CDH20: variants seen among roughly 807,000 people sequenced by gnomAD.
CDH20 encodes the protein cadherin 20, also known as cadherin-20.
A neutral mutation model predicts 74.2 loss-of-function variants in CDH20; 29 were observed. The ratio of observed to expected loss-of-function variants is 0.39; its 90% CI spans 0.29 to 0.53. The LOEUF (loss-of-function observed/expected upper bound fraction) is 0.53. Ranked by LOEUF, CDH20 falls within the 20% of genes least tolerant of loss-of-function variation. The pLI is 0.69. For synonymous variants in CDH20, 469 were observed against 405.4 expected (o/e 1.16, Z -1.88); for missense variants, 988 against 1,048.3 (o/e 0.94, Z 0.79).
At chr18:61,544,290 G>C (rs1913147933) in intron 9 of CDH20, among the ~76,000 whole-genome samples, 1 of 152,220 alleles carries the variant, frequency 6.6e-6, no homozygotes, top group Admixed American at 6.5e-5. Context: ...TAGGACTCCT[G>C]AAGCCCAAGT....
intron 1 of CDH20, among the ~76,000 whole-genome samples, chr18:61,469,309 C>G (rs1307450144): frequency 6.6e-6 from 1 of 151,018 alleles, no homozygotes; most frequent in Non-Finnish European, 1.5e-5. Context: ...TCGTCTACTT[C>G]CAGTCACTTT....
chr18:61,495,112 C>T lies in CDH20; in HGVS notation c.247-4074C>T, dbSNP rs78568101. Among the ~76,000 whole-genome samples, 1,450 of 152,224 alleles carry T rather than the reference C, an allele frequency of 9.5e-3. 29 individuals are homozygous for T. The highest frequency in any genetic ancestry group is 0.033 in the African/African-American group (1,372 of 41,536). On this transcript the variant is annotated intron_variant, in intron 2 of 11. Transcript: ENST00000262717. ...TTTTAGGAAGGAAAAAAAACATTTTCCCAAGATGTACGTAACTGTGCTGCT... is the reference window on the plus strand; with the variant it reads ...TTTTAGGAAGGAAAAAAAACATTTTTCCAAGATGTACGTAACTGTGCTGCT...
intron 1 of CDH20, among the ~76,000 whole-genome samples, chr18:61,453,600 C>T (rs1330326056): frequency 6.6e-6 from 1 of 152,156 alleles, no homozygotes; most frequent in East Asian, 1.9e-4. Context: ...TTCATATTTG[C>T]TTTTTCACTC....
At chr18:61,456,090 G>T (rs931242728) in intron 1 of CDH20, among the ~76,000 whole-genome samples, 1 of 152,086 alleles carries the variant, frequency 6.6e-6, no homozygotes, top group Non-Finnish European at 1.5e-5. Flanking sequence ...TCACCGTTTG[G>T]GGTGGCCCCA....
intron 1 of CDH20, among the ~76,000 whole-genome samples, chr18:61,394,946 C>T (rs111360542): frequency 9.2e-5 from 14 of 151,882 alleles, no homozygotes; most frequent in African/African-American, 2.4e-4. Context: ...CCTCCTTGCC[C>T]GAAGAGGAAC....
In CDH20 at chr18:61,435,125, C is replaced by T. The variant is rs571081694; in HGVS notation, c.-152-55277C>T. ...GACTTACTGTCCTTTTTCTACAGAT[C>T]AGGAAATTGATCTGTAGAAAATTTC... On this transcript the variant is annotated intron_variant, in intron 1 of 11. Coordinates refer to ENST00000262717, the MANE Select transcript of CDH20 (RefSeq NM_031891.4). Among the ~76,000 whole-genome samples the T allele has an allele frequency of 3.3e-5, 5 of 152,202 alleles. No homozygotes were observed. The East Asian group carries it at 5.8e-4, about 18-fold the overall frequency.
intron 1 of CDH20, among the ~76,000 whole-genome samples, chr18:61,408,610 C>A (rs1427255807): frequency 6.6e-6 from 1 of 152,190 alleles, no homozygotes; most frequent in African/African-American, 2.4e-5. Context: ...GTACAACCAT[C>A]AAGTAAACTA....
chr18:61,500,165 A>C (rs1911324895), intron 3 of CDH20, among the ~76,000 whole-genome samples: 1 of 147,722 alleles, frequency 6.8e-6, no homozygotes, highest in Non-Finnish European at 1.5e-5. Context: ...GAAGAGCCCA[A>C]AGGCTGTGTC....
intron 7 of CDH20, among the ~76,000 whole-genome samples, chr18:61,534,455 A>G (rs1912753143): frequency 6.6e-6 from 1 of 152,250 alleles, no homozygotes; most frequent in Non-Finnish European, 1.5e-5. Context: ...ATTATTCACA[A>G]TAGCCAAGAT....
intron 1 of CDH20, among the ~76,000 whole-genome samples, chr18:61,440,419 T>C (rs1455492068): frequency 6.6e-6 from 1 of 152,164 alleles, no homozygotes; most frequent in Non-Finnish European, 1.5e-5. Flanking sequence ...AACTACTACT[T>C]AGGAGTTGTT....
chr18:61,439,239 C>A (rs551552804), intron 1 of CDH20, among the ~76,000 whole-genome samples: 3 of 151,958 alleles, frequency 2.0e-5, no homozygotes, highest in Non-Finnish European at 4.4e-5. Flanking sequence ...TGCATGTATA[C>A]CCTAATCTAA....
At position 61,457,169 on chromosome 18, in the gene CDH20, A is replaced by G. The variant is rs551153274; in HGVS notation, c.-152-33233A>G. On this transcript the variant is annotated intron_variant, in intron 1 of 11. Transcript: ENST00000262717. ...TGTTTGATGCATTCCCTGATTCTGA[A>G]AAGAGGTAGTAATCTCTGATTTCTC... 6.6e-5 allele frequency among the ~76,000 whole-genome samples: 10 copies of G among 152,216 alleles called. No homozygotes were observed. In the South Asian group the frequency reaches 1.9e-3, roughly 28 times the overall value.
intron 7 of CDH20, among the ~76,000 whole-genome samples, chr18:61,531,811 C>T (rs1035165129): frequency 6.6e-6 from 1 of 152,104 alleles, no homozygotes; most frequent in African/African-American, 2.4e-5. Context: ...AAAGGGGCTT[C>T]CCCCTTCCCT....
intron 10 of CDH20, among the ~76,000 whole-genome samples, chr18:61,547,155 C>G (rs774117637): frequency 7.9e-5 from 12 of 152,102 alleles, no homozygotes; most frequent in Non-Finnish European, 1.8e-4. Context: ...ACACCAAGAC[C>G]CCATCCCTAA....
At chr18:61,459,351 T>G (rs1015097316) in intron 1 of CDH20, among the ~76,000 whole-genome samples, 1 of 152,164 alleles carries the variant, frequency 6.6e-6, no homozygotes. Context: ...CAATGGCAAG[T>G]TTCTATAAAC....
intron 1 of CDH20, among the ~76,000 whole-genome samples, chr18:61,374,628 A>T: frequency 6.6e-6 from 1 of 152,130 alleles, no homozygotes; most frequent in East Asian, 1.9e-4. Context: ...CTTATATGAA[A>T]TTTTTATGTT....
chr18:61,457,262 CCTGGT>C (rs1225925862), intron 1 of CDH20, among the ~76,000 whole-genome samples: 1 of 152,064 alleles, frequency 6.6e-6, no homozygotes, highest in Admixed American at 6.6e-5. Flanking sequence ...ATCTAGAACA[CCTGGT>C]CTGAATAGCT....
At chr18:61,392,973 A>T (rs1329245535) in intron 1 of CDH20, among the ~76,000 whole-genome samples, 2 of 152,186 alleles carry the variant, frequency 1.3e-5, no homozygotes, top group Admixed American at 1.3e-4. Flanking sequence ...TCACTGCCCA[A>T]GTCAAATTTA....
intron 1 of CDH20, among the ~76,000 whole-genome samples, chr18:61,354,848 T>C (rs1910445407): frequency 6.6e-6 from 1 of 152,208 alleles, no homozygotes; most frequent in Non-Finnish European, 1.5e-5. Flanking sequence ...TACCTACACA[T>C]TTGTAAGTAC....
Sources: gnomAD v4.1 joint callset for allele counts (sites outside exome capture counted in the v4.1 genomes callset) on GRCh38, gnomAD v4.1.1 for gene constraint, MANE v1.5 for transcripts, NCBI Gene and HGNC (gene_info 2026-07-23, HGNC 2026-07-21) for gene names.